SRPK2: variants seen among roughly 807,000 people sequenced by gnomAD.
SRPK2 encodes SRSF protein kinase 2.
Under a neutral mutation model 90.8 loss-of-function variants are expected in SRPK2, and 21 were observed. The ratio of observed to expected loss-of-function variants is 0.23; its 90% CI spans 0.16 to 0.33. The LOEUF is 0.33. Among genes scored for constraint, SRPK2 ranks in the 10% least tolerant of loss-of-function variants. SRPK2 has a pLI of 1.00. For missense variants in SRPK2, 620 were observed against 869.0 expected (o/e 0.71, Z 3.60); for synonymous variants, 288 against 311.1 (o/e 0.93, Z 0.78).
chr7:105,304,340 T>C (rs540689757), intron 2 of SRPK2: 1 of 152,302 alleles, frequency 6.6e-6, no homozygotes, highest in African/African-American at 2.4e-5. Flanking sequence ...GTTCCAAAAA[T>C]TGATTCTAAC....
intron 2 of SRPK2, among the ~76,000 whole-genome samples, chr7:105,217,410 C>T (rs1435618226): frequency 6.6e-6 from 1 of 152,124 alleles, no homozygotes; most frequent in East Asian, 1.9e-4. Flanking sequence ...CCCATGAAAC[C>T]AAATACTATA....
chr7:105,228,499 G>C (rs927818448), intron 2 of SRPK2, among the ~76,000 whole-genome samples: 3 of 152,204 alleles, frequency 2.0e-5, no homozygotes, highest in African/African-American at 7.2e-5. Context: ...ATGTAAGAAT[G>C]TAGAAAGATT....
chr7:105,262,573 C>T (rs1376814603), intron 2 of SRPK2, among the ~76,000 whole-genome samples: 1 of 152,164 alleles, frequency 6.6e-6, no homozygotes, highest in Non-Finnish European at 1.5e-5. Flanking sequence ...CTACTGAAAC[C>T]AAGTCTGAAA....
At chr7:105,251,058 C>T (rs74561626) in intron 2 of SRPK2, among the ~76,000 whole-genome samples, 2 of 152,306 alleles carry the variant, frequency 1.3e-5, no homozygotes, top group East Asian at 1.9e-4. Flanking sequence ...ATGGACACTG[C>T]ACAACTCATT....
At chr7:105,292,977 G>A (rs1183762810) in intron 2 of SRPK2, among the ~76,000 whole-genome samples, 2 of 152,134 alleles carry the variant, frequency 1.3e-5, no homozygotes, top group African/African-American at 4.8e-5. Flanking sequence ...GCTTCCAAGT[G>A]GAACATAACA....
chr7:105,140,030 T>C (rs540473821), intron 11 of SRPK2, among the ~76,000 whole-genome samples: 2 of 152,316 alleles, frequency 1.3e-5, no homozygotes, highest in East Asian at 3.9e-4. Context: ...CTATACACTT[T>C]AGTTGATCTC....
At chr7:105,181,881 TA>T (rs755821029) in intron 3 of SRPK2, among the ~76,000 whole-genome samples, 32 of 84,870 alleles carry the variant, frequency 3.8e-4, no homozygotes, top group East Asian at 7.4e-4. Flanking sequence ...AAGATAAAAG[TA>T]AAAAAAAAAA....
intron 3 of SRPK2, among the ~76,000 whole-genome samples, chr7:105,181,922 A>T (rs930633467): frequency 2.3e-4 from 35 of 150,970 alleles, no homozygotes; most frequent in African/African-American, 8.5e-4. Flanking sequence ...CAAAAACCAA[A>T]TGTAGGCTAA....
intron 15 of SRPK2, among the ~76,000 whole-genome samples, chr7:105,124,573 G>A (rs1277759310): frequency 1.4e-5 from 2 of 140,620 alleles, no homozygotes; most frequent in Non-Finnish European, 3.0e-5. Context: ...GCCTGGAGGC[G>A]GAAGTTGCAG....
intron 2 of SRPK2, among the ~76,000 whole-genome samples, chr7:105,295,605 C>T (rs1413599811): frequency 2.6e-5 from 4 of 152,040 alleles, no homozygotes; most frequent in African/African-American, 9.7e-5. Context: ...ACAGTAGTTA[C>T]CAGGGGCCAG....
intron 6 of SRPK2, 76 bp downstream of exon 6, chr7:105,167,301 C>G (rs1790201261): frequency 8.0e-7 from 1 of 1,253,798 alleles, no homozygotes; most frequent in Non-Finnish European, 1.1e-6. Flanking sequence ...CAGCAGTAAA[C>G]AGAGATTATA....
At chr7:105,318,484 CT>C (rs1488492301) in intron 2 of SRPK2, among the ~76,000 whole-genome samples, 2 of 152,210 alleles carry the variant, frequency 1.3e-5, no homozygotes, top group Non-Finnish European at 2.9e-5. Flanking sequence ...TTGATATAAA[CT>C]GCATTAAAAG....
At chr7:105,168,194 T>C (rs1790331839) in intron 4 of SRPK2, 99 bp from the exon 5 acceptor site, 2 of 1,008,744 alleles carry the variant, frequency 2.0e-6, no homozygotes, top group African/African-American at 3.3e-5. Context: ...AAATGTAAAA[T>C]CCAAAATGCG....
At chr7:105,283,177 T>G (rs975053651) in intron 2 of SRPK2, among the ~76,000 whole-genome samples, 2 of 152,228 alleles carry the variant, frequency 1.3e-5, no homozygotes, top group South Asian at 2.1e-4. Context: ...ATTTCGAGAC[T>G]TCAGGCATGG....
chr7:105,392,775 G>C (rs1822214175), upstream of SRPK2, among the ~76,000 whole-genome samples: 1 of 151,616 alleles, frequency 6.6e-6, no homozygotes. Flanking sequence ...TGGGATTACA[G>C]GTGTGAACCA....
At chr7:105,232,424 A>G (rs1432406866) in intron 2 of SRPK2, among the ~76,000 whole-genome samples, 1 of 147,868 alleles carries the variant, frequency 6.8e-6, no homozygotes, top group Non-Finnish European at 1.5e-5. Flanking sequence ...GCGCCATTGC[A>G]CTCCAGCCTG....
intron 2 of SRPK2, among the ~76,000 whole-genome samples, chr7:105,382,506 C>A (rs1821062514): frequency 7.8e-6 from 1 of 128,154 alleles, no homozygotes; most frequent in Admixed American, 9.8e-5. Flanking sequence ...GAGCCAAGAT[C>A]GTGCCACTGC....
chr7:105,244,498 C>T (rs960088386), intron 2 of SRPK2, among the ~76,000 whole-genome samples: 3 of 152,206 alleles, frequency 2.0e-5, no homozygotes, highest in South Asian at 2.1e-4. Flanking sequence ...CGCTTGAACC[C>T]GGGAGGCGGA....
chr7:105,301,170 G>A (rs1376182446), intron 2 of SRPK2, among the ~76,000 whole-genome samples: 3 of 152,058 alleles, frequency 2.0e-5, no homozygotes, highest in Non-Finnish European at 4.4e-5. Flanking sequence ...TTGGCTGGGC[G>A]CAGTGGCTCA....
Sources: allele counts gnomAD v4.1 joint callset (sites outside exome capture counted in the v4.1 genomes callset), GRCh38; gene constraint gnomAD v4.1.1; transcripts MANE v1.5; gene names NCBI Gene and HGNC (gene_info 2026-07-23, HGNC 2026-07-21).